The following ARHGEF9 variants were observed in gnomAD, a reference collection of about 807,000 sequenced individuals.
ARHGEF9 encodes the protein rho guanine nucleotide exchange factor 9.
ARHGEF9 carries 2 observed loss-of-function variants against 41.3 expected under a neutral mutation model. The ratio of observed to expected loss-of-function variants is 0.05; its 90% confidence interval spans 0.02 to 0.15. The LOEUF (loss-of-function observed/expected upper bound fraction) is 0.15. Ranked by LOEUF, ARHGEF9 falls within the 10% of genes least tolerant of loss-of-function variation. The pLI is 1.00. For synonymous variants in ARHGEF9, 160 were observed against 154.4 expected, an observed-to-expected ratio of 1.04 and a Z score of -0.27; for missense variants, 225 against 424.7, an observed-to-expected ratio of 0.53 and a Z score of 4.13.
chrX:63,725,318 G>A (rs1181583922), intron 1 of ARHGEF9, among the ~76,000 whole-genome samples: 1 of 111,512 alleles, frequency 9.0e-6, no homozygotes. Flanking sequence ...ATGGCTTTCT[G>A]TGATGCCTTG....
Position 63,716,969 on chromosome X carries a change from T to C in ARHGEF9, c.210+7563A>G, listed in dbSNP as rs782652833. ...TAAATGTACGCTTAACAGTAAGCTA[T>C]GCTTACTTTATATAAATATGGGAAT... is the stretch of plus-strand genomic sequence containing the variant. On this transcript the variant is annotated intron_variant, in intron 2 of 9. Coordinates refer to ENST00000671741, the MANE Select transcript of ARHGEF9 (RefSeq NM_001353921.2). Among the ~76,000 whole-genome samples the C allele has an allele frequency of 4.4e-5, 5 of 112,409 alleles. No homozygotes were observed. In the East Asian group the frequency reaches 1.4e-3, roughly 31 times the overall value.
chrX:63,775,504 C>A (rs142713424), intron 1 of ARHGEF9, among the ~76,000 whole-genome samples: 3 of 111,998 alleles, frequency 2.7e-5, no homozygotes, highest in Non-Finnish European at 5.6e-5. Context: ...CATAAAAACG[C>A]GAGAACATGT....
At chrX:63,736,846 C>A (rs2147698296) in intron 1 of ARHGEF9, 1 of 111,325 alleles carries the variant, frequency 9.0e-6, no homozygotes, top group African/African-American at 3.3e-5. Flanking sequence ...TTACAAAAAA[C>A]AAAACAAGAA....
At chrX:63,763,295 GT>G (rs1441362607) in intron 1 of ARHGEF9, among the ~76,000 whole-genome samples, 1 of 111,589 alleles carries the variant, frequency 9.0e-6, no homozygotes, top group African/African-American at 3.3e-5. Flanking sequence ...AAGCCATTAA[GT>G]TTGTGATCTC....
intron 1 of ARHGEF9, among the ~76,000 whole-genome samples, chrX:63,784,272 T>C (rs1332110326): frequency 1.8e-5 from 2 of 112,339 alleles, no homozygotes; most frequent in African/African-American, 6.5e-5. Context: ...AAGCTGCTCC[T>C]GGCTAAGTCA....
chrX:63,746,810 C>T (rs2055303194), intron 1 of ARHGEF9, among the ~76,000 whole-genome samples: 1 of 111,887 alleles, frequency 8.9e-6, no homozygotes, highest in Non-Finnish European at 1.9e-5. Context: ...TCTCAATTAT[C>T]CATGACATAT....
intron 2 of ARHGEF9, among the ~76,000 whole-genome samples, chrX:63,711,870 TATCTGC>T (rs2052953585): frequency 1.8e-5 from 2 of 112,356 alleles, no homozygotes; most frequent in African/African-American, 6.5e-5. Flanking sequence ...ATGGGAAAAA[TATCTGC>T]ATATCATATA....
intron 1 of ARHGEF9, among the ~76,000 whole-genome samples, chrX:63,749,776 T>C (rs191397410): frequency 8.1e-4 from 91 of 112,579 alleles, no homozygotes; most frequent in Non-Finnish European, 1.4e-3. Flanking sequence ...GTTATTAGTA[T>C]TGTCATTACT....
At chrX:63,673,425 G>T in intron 6 of ARHGEF9, among the ~76,000 whole-genome samples, 1 of 111,219 alleles carries the variant, frequency 9.0e-6, no homozygotes, top group Non-Finnish European at 1.9e-5. Context: ...TGATACTTTT[G>T]GTGGGCATCT....
intron 4 of ARHGEF9, among the ~76,000 whole-genome samples, 155 bp from the exon 5 acceptor site, chrX:63,678,727 T>C (rs782235643): frequency 2.6e-4 from 29 of 112,257 alleles, no homozygotes; most frequent in Admixed American, 5.6e-4. Context: ...ATAATAAATA[T>C]CAAAACAAAT....
chrX:63,638,402 A>T (rs1470795326), intron 9 of ARHGEF9, among the ~76,000 whole-genome samples, 193 bp from the exon 10 acceptor site: 2 of 111,739 alleles, frequency 1.8e-5, no homozygotes, highest in Non-Finnish European at 3.8e-5. Context: ...TACTATTGCA[A>T]CCCTACACAC....
intron 1 of ARHGEF9, among the ~76,000 whole-genome samples, chrX:63,745,164 C>T (rs1370434946): frequency 9.0e-6 from 1 of 110,533 alleles, no homozygotes; most frequent in South Asian, 4.0e-4. Flanking sequence ...CAGCTGGGCA[C>T]GGAGGTACAT....
chrX:63,697,955 CA>C (rs1215366585), intron 3 of ARHGEF9, among the ~76,000 whole-genome samples: 1 of 110,177 alleles, frequency 9.1e-6, no homozygotes, highest in African/African-American at 3.3e-5. Flanking sequence ...TCACATTATG[CA>C]AATATCTGTC....
At chrX:63,640,040 T>C (rs782262011) in intron 9 of ARHGEF9, 1 of 112,003 alleles carries the variant, frequency 8.9e-6, no homozygotes, top group South Asian at 3.7e-4. Context: ...AGTTCTAGTG[T>C]TCAGTAGCAC....
At chrX:63,727,423 G>A (rs1556417740) in intron 1 of ARHGEF9, 1 of 111,814 alleles carries the variant, frequency 8.9e-6, no homozygotes, top group African/African-American at 3.3e-5. Flanking sequence ...CTAGGACCTA[G>A]TGGTCACAAA....
At chrX:63,784,655 T>A (rs571445181) in intron 1 of ARHGEF9, among the ~76,000 whole-genome samples, 2 of 111,311 alleles carry the variant, frequency 1.8e-5, no homozygotes, top group African/African-American at 6.5e-5. Context: ...AAAATCTAGT[T>A]GGGGGCAGGG....
intron 1 of ARHGEF9, among the ~76,000 whole-genome samples, chrX:63,749,299 T>G (rs1273833904): frequency 9.0e-6 from 1 of 111,674 alleles, no homozygotes; most frequent in Non-Finnish European, 1.9e-5. Context: ...TGGCATGATC[T>G]CGGCTCACTG....
intron 1 of ARHGEF9, among the ~76,000 whole-genome samples, chrX:63,742,517 C>A (rs1263468220): frequency 8.9e-6 from 1 of 111,919 alleles, no homozygotes; most frequent in Non-Finnish European, 1.9e-5. Context: ...ATTCCACACT[C>A]ATTTTCCCAG....
intron 7 of ARHGEF9, among the ~76,000 whole-genome samples, chrX:63,661,627 T>G (rs782028438): frequency 8.9e-6 from 1 of 111,861 alleles, no homozygotes; most frequent in South Asian, 3.8e-4. Flanking sequence ...GAAGAAAAGT[T>G]AAAAGAGTGG....
Sources: gnomAD v4.1 joint callset for allele counts (sites outside exome capture counted in the v4.1 genomes callset) on GRCh38, gnomAD v4.1.1 for gene constraint, MANE v1.5 for transcripts, NCBI Gene and HGNC (gene_info 2026-07-23, HGNC 2026-07-21) for gene names.